The following KCND2 variants were observed in gnomAD, a reference collection of about 807,000 sequenced individuals.
KCND2 encodes potassium voltage-gated channel subfamily D member 2.
A neutral mutation model predicts 54.4 loss-of-function variants in KCND2; 16 were observed. That is an observed-to-expected ratio of 0.29 (90% confidence interval 0.20 to 0.45). KCND2 has a LOEUF of 0.45. Among genes scored for constraint, KCND2 ranks in the 20% least tolerant of loss-of-function variants. KCND2 has a pLI of 1.00. For synonymous variants in KCND2, 317 were observed against 310.7 expected (o/e 1.02, Z -0.21); for missense variants, 486 against 824.2 (o/e 0.59, Z 5.02).
chr7:120,395,876 A>G (rs1801148225), intron 1 of KCND2, among the ~76,000 whole-genome samples: 2 of 151,900 alleles, frequency 1.3e-5, no homozygotes, highest in African/African-American at 4.8e-5. Context: ...TATTTTGACC[A>G]GATCCTGCTT....
intron 1 of KCND2, among the ~76,000 whole-genome samples, chr7:120,384,185 A>T (rs960233087): frequency 6.6e-6 from 1 of 151,966 alleles, no homozygotes; most frequent in African/African-American, 2.4e-5. Flanking sequence ...TTTTATTGCT[A>T]TAGCGATATT....
At chr7:120,635,107 T>C (rs1793287846) in intron 1 of KCND2, among the ~76,000 whole-genome samples, 1 of 152,256 alleles carries the variant, frequency 6.6e-6, no homozygotes, top group Non-Finnish European at 1.5e-5. Context: ...ACTTTTACTT[T>C]TACTTTTCTT....
At chr7:120,698,954 G>T (rs1022385602) in intron 1 of KCND2, among the ~76,000 whole-genome samples, 7 of 152,138 alleles carry the variant, frequency 4.6e-5, no homozygotes, top group Non-Finnish European at 8.8e-5. Context: ...GACTTGTTGA[G>T]ATGGGAGATG....
intron 1 of KCND2, among the ~76,000 whole-genome samples, chr7:120,677,576 TATAG>T (rs937463792): frequency 1.3e-5 from 2 of 148,706 alleles, no homozygotes; most frequent in African/African-American, 4.9e-5. Flanking sequence ...TATATAGATA[TATAG>T]ATATATAAAA....
intron 1 of KCND2, among the ~76,000 whole-genome samples, chr7:120,324,706 TGTA>T (rs1799946886): frequency 6.6e-6 from 1 of 151,958 alleles, no homozygotes; most frequent in African/African-American, 2.4e-5. Context: ...ACTGTAGCCT[TGTA>T]GTATAATTTG....
At chr7:120,446,725 T>G (rs889353873) in intron 1 of KCND2, among the ~76,000 whole-genome samples, 4 of 152,198 alleles carry the variant, frequency 2.6e-5, no homozygotes, top group African/African-American at 9.6e-5. Context: ...TTAATTCAGG[T>G]TACCCTGTAC....
chr7:120,302,799 C>T (rs1016424527), intron 1 of KCND2, among the ~76,000 whole-genome samples: 1 of 152,160 alleles, frequency 6.6e-6, no homozygotes, highest in Admixed American at 6.5e-5. Context: ...ACCTTTCAAC[C>T]TGTACCTATC....
At chr7:120,555,220 CAT>C (rs1341105695) in intron 1 of KCND2, among the ~76,000 whole-genome samples, 2 of 152,218 alleles carry the variant, frequency 1.3e-5, no homozygotes, top group East Asian at 1.9e-4. Context: ...AAACTAAACT[CAT>C]AGAGGATTTG....
At chr7:120,322,131 A>T (rs1485600342) in intron 1 of KCND2, among the ~76,000 whole-genome samples, 1 of 152,120 alleles carries the variant, frequency 6.6e-6, no homozygotes. Context: ...AGAAAATTTA[A>T]TATCAAGTAA....
At chr7:120,541,647 T>G (rs1791980890) in intron 1 of KCND2, among the ~76,000 whole-genome samples, 1 of 151,822 alleles carries the variant, frequency 6.6e-6, no homozygotes, top group South Asian at 2.1e-4. Context: ...CATGGTCAAC[T>G]CATTTTCCAG....
At chr7:120,674,321 C>T (rs1792031305) in intron 1 of KCND2, among the ~76,000 whole-genome samples, 1 of 152,142 alleles carries the variant, frequency 6.6e-6, no homozygotes, top group South Asian at 2.1e-4. Context: ...CAATAACAGC[C>T]ATGAGACCTT....
intron 1 of KCND2, among the ~76,000 whole-genome samples, chr7:120,602,642 G>C (rs191930147): frequency 2.4e-4 from 37 of 152,246 alleles, no homozygotes; most frequent in African/African-American, 7.5e-4. Flanking sequence ...ATATTCAAAA[G>C]AAATGTGAAG....
At chr7:120,494,068 G>A (rs1195305734) in intron 1 of KCND2, among the ~76,000 whole-genome samples, 2 of 152,142 alleles carry the variant, frequency 1.3e-5, no homozygotes, top group Middle Eastern at 3.4e-3. Context: ...TTAAAGATAG[G>A]ACGACCTAAA....
chr7:120,620,996 C>T (rs548435709), intron 1 of KCND2, among the ~76,000 whole-genome samples: 3 of 152,102 alleles, frequency 2.0e-5, no homozygotes, highest in African/African-American at 4.8e-5. Flanking sequence ...CCATATGGGT[C>T]GGGCATGGTG....
intron 1 of KCND2, among the ~76,000 whole-genome samples, chr7:120,582,389 T>C (rs1339275324): frequency 6.6e-6 from 1 of 152,314 alleles, no homozygotes; most frequent in East Asian, 1.9e-4. Flanking sequence ...TCATTCTTAA[T>C]ATTCTATAGT....
chr7:120,551,831 G>A (rs1173287929), intron 1 of KCND2, among the ~76,000 whole-genome samples: 1 of 152,146 alleles, frequency 6.6e-6, no homozygotes, highest in African/African-American at 2.4e-5. Flanking sequence ...GCCACTTGCT[G>A]TGCTCAGGAA....
At chr7:120,576,380 T>C (rs746975963) in intron 1 of KCND2, among the ~76,000 whole-genome samples, 1 of 152,230 alleles carries the variant, frequency 6.6e-6, no homozygotes, top group Admixed American at 6.5e-5. Context: ...TTTTCCATTT[T>C]ACAAATGATT....
chr7:120,577,159 A>T (rs998976973), intron 1 of KCND2, among the ~76,000 whole-genome samples: 1 of 152,106 alleles, frequency 6.6e-6, no homozygotes, highest in Non-Finnish European at 1.5e-5. Context: ...AATAATAATA[A>T]TAATAATAAT....
chr7:120,475,247 G>A (rs778014517), intron 1 of KCND2, among the ~76,000 whole-genome samples: 9 of 152,156 alleles, frequency 5.9e-5, no homozygotes, highest in Non-Finnish European at 8.8e-5. Flanking sequence ...AGTTCTGAAC[G>A]TTGAACATAA....
Sources: allele counts gnomAD v4.1 joint callset (sites outside exome capture counted in the v4.1 genomes callset), GRCh38; gene constraint gnomAD v4.1.1; transcripts MANE v1.5; gene names NCBI Gene and HGNC (gene_info 2026-07-23, HGNC 2026-07-21).